TMEM132D: variants seen among roughly 807,000 people sequenced by gnomAD.
TMEM132D encodes transmembrane protein 132D, also known as mature OL transmembrane protein.
In TMEM132D, 21 loss-of-function variants were observed where a neutral mutation model predicts 62.3. The observed-to-expected ratio is 0.34, with a 90% CI of 0.24 to 0.49. The LOEUF (loss-of-function observed/expected upper bound fraction) is 0.49. Ranked by LOEUF, TMEM132D falls within the 20% of genes least tolerant of loss-of-function variation. The probability of loss-of-function intolerance (pLI) is 0.99; values close to 1 mark genes in which losing one functional copy is unlikely to be tolerated. For synonymous variants in TMEM132D, 621 were observed against 575.6 expected (o/e 1.08, Z -1.13); for missense variants, 1,346 against 1,402.8 (o/e 0.96, Z 0.65).
intron 3 of TMEM132D, among the ~76,000 whole-genome samples, chr12:129,338,344 G>T (rs566459160): frequency 6.6e-6 from 1 of 152,242 alleles, no homozygotes; most frequent in South Asian, 2.1e-4. Flanking sequence ...AGGGTCAAGG[G>T]GGTCGCTGTG....
intron 3 of TMEM132D, among the ~76,000 whole-genome samples, chr12:129,360,373 T>C (rs528173965): frequency 1.3e-5 from 2 of 152,324 alleles, no homozygotes; most frequent in East Asian, 3.9e-4. Context: ...TTTATGTTCT[T>C]TCTTCCAGCA....
Position 129,374,826 on chromosome 12 carries a change from A to G in TMEM132D, c.1116-37009T>C, listed in dbSNP as rs561836376. On this transcript the variant is annotated intron_variant, in intron 3 of 8. Transcript: ENST00000422113. ...TCAGAGAAAGAGGATGGAGGCTGGT[A>G]TGGTGGCAGTGACTTCGAACACACT... Among the ~76,000 whole-genome samples the G allele has an allele frequency of 4.4e-4, 67 of 152,304 alleles. 1 individual carries two copies. In the South Asian group the frequency reaches 0.013, roughly 31 times the overall value.
intron 5 of TMEM132D, among the ~76,000 whole-genome samples, chr12:129,166,728 CATAT>C (rs200074780): frequency 4.1e-5 from 6 of 146,478 alleles, no homozygotes; most frequent in Admixed American, 1.4e-4. Context: ...CACACACACA[CATAT>C]ATATATATAC....
At chr12:129,572,199 T>C (rs975196324) in intron 2 of TMEM132D, among the ~76,000 whole-genome samples, 2 of 151,966 alleles carry the variant, frequency 1.3e-5, no homozygotes, top group Non-Finnish European at 2.9e-5. Context: ...TGAACTAGAG[T>C]CACGTAGATT....
chr12:129,180,371 G>A (rs1878032006), intron 5 of TMEM132D, among the ~76,000 whole-genome samples: 1 of 152,176 alleles, frequency 6.6e-6, no homozygotes, highest in African/African-American at 2.4e-5. Flanking sequence ...GTTCTGTGAT[G>A]AGTCCCTGCC....
intron 3 of TMEM132D, among the ~76,000 whole-genome samples, chr12:129,378,892 A>C (rs1208175175): frequency 6.6e-6 from 1 of 152,172 alleles, no homozygotes; most frequent in Admixed American, 6.5e-5. Flanking sequence ...AGAGAGGAAA[A>C]TAACAAATGC....
intron 5 of TMEM132D, among the ~76,000 whole-genome samples, chr12:129,172,106 G>C (rs1274781907): frequency 6.6e-6 from 1 of 152,212 alleles, no homozygotes; most frequent in Non-Finnish European, 1.5e-5. Flanking sequence ...TGGAGAACTT[G>C]CTGCAGCTTC....
chr12:129,451,156 T>G (rs1380724108), intron 3 of TMEM132D, among the ~76,000 whole-genome samples: 1 of 150,552 alleles, frequency 6.6e-6, no homozygotes, highest in Non-Finnish European at 1.5e-5. Flanking sequence ...GGTGCTGCCC[T>G]CTCAGAAATG....
chr12:129,327,983 T>G (rs1043740769), intron 4 of TMEM132D, among the ~76,000 whole-genome samples: 1 of 152,198 alleles, frequency 6.6e-6, no homozygotes, highest in Non-Finnish European at 1.5e-5. Flanking sequence ...GCACTGGACC[T>G]TTTTCCACTC....
chr12:129,363,228 A>T (rs1343496992), intron 3 of TMEM132D, among the ~76,000 whole-genome samples: 1 of 152,208 alleles, frequency 6.6e-6, no homozygotes, highest in Non-Finnish European at 1.5e-5. Flanking sequence ...CAGTAACTGG[A>T]CTGTCTCCAG....
chr12:129,463,284 G>T (rs111888990), intron 3 of TMEM132D, among the ~76,000 whole-genome samples: 1 of 151,794 alleles, frequency 6.6e-6, no homozygotes, highest in South Asian at 2.1e-4. Flanking sequence ...GAGCATTCAT[G>T]AGTGCCATTT....
intron 1 of TMEM132D, among the ~76,000 whole-genome samples, chr12:129,810,760 C>T (rs909943786): frequency 6.6e-6 from 1 of 152,262 alleles, no homozygotes; most frequent in South Asian, 2.1e-4. Flanking sequence ...TATCTTTCAA[C>T]GCGTTAATAG....
chr12:129,315,729 G>A (rs973324068), intron 4 of TMEM132D, among the ~76,000 whole-genome samples: 3 of 151,854 alleles, frequency 2.0e-5, no homozygotes, highest in African/African-American at 4.8e-5. Flanking sequence ...CTACCAATTC[G>A]TTTAATGTCT....
intron 5 of TMEM132D, among the ~76,000 whole-genome samples, chr12:129,190,122 GGGCCTGCAGATGGAGGGAGGGGGTCTC>G (rs1878344545): frequency 5.8e-5 from 1 of 17,222 alleles, no homozygotes; most frequent in Non-Finnish European, 1.5e-4. Context: ...GGGGTCTTGG[GGGCCTGCAGATGGAGGGAGGGGGTCTC>G]AGGCCTGCAG....
chr12:129,884,632 A>G, intron 1 of TMEM132D, among the ~76,000 whole-genome samples: 1 of 152,384 alleles, frequency 6.6e-6, no homozygotes. Context: ...GTTGGCAAGA[A>G]TGTGGAACAG....
intron 3 of TMEM132D, among the ~76,000 whole-genome samples, chr12:129,385,554 T>C (rs1250013164): frequency 6.6e-6 from 1 of 152,226 alleles, no homozygotes; most frequent in African/African-American, 2.4e-5. Context: ...AAGTGCTATA[T>C]AACTGGTTGA....
chr12:129,609,164 C>T (rs534365556), intron 2 of TMEM132D, among the ~76,000 whole-genome samples: 3 of 152,060 alleles, frequency 2.0e-5, no homozygotes, highest in East Asian at 3.9e-4. Context: ...AGGCTGGTCT[C>T]GAACTCCTGA....
chr12:129,576,825 C>A (rs1252091774), intron 2 of TMEM132D, among the ~76,000 whole-genome samples: 1 of 151,834 alleles, frequency 6.6e-6, no homozygotes, highest in Non-Finnish European at 1.5e-5. Context: ...TTCTTAGAAT[C>A]AAGTAGGCTA....
At chr12:129,563,632 G>A (rs570954512) in intron 2 of TMEM132D, among the ~76,000 whole-genome samples, 1 of 152,216 alleles carries the variant, frequency 6.6e-6, no homozygotes, top group South Asian at 2.1e-4. Flanking sequence ...AACATCAAAG[G>A]TCAAATAAAG....
Sources: gnomAD v4.1 joint callset for allele counts (sites outside exome capture counted in the v4.1 genomes callset) on GRCh38, gnomAD v4.1.1 for gene constraint, MANE v1.5 for transcripts, NCBI Gene and HGNC (gene_info 2026-07-23, HGNC 2026-07-21) for gene names.